Variants in AMOT observed in about 807,000 individuals in gnomAD.
AMOT encodes the protein angiomotin.
Under a neutral mutation model 67.0 loss-of-function variants are expected in AMOT, and 11 were observed. That is an observed-to-expected ratio of 0.16 (90% CI 0.10 to 0.27). The LOEUF is 0.27. Ranked by LOEUF, AMOT falls within the 10% of genes least tolerant of loss-of-function variation. The pLI is 1.00. For missense variants in AMOT, 753 were observed against 852.0 expected, an observed-to-expected ratio of 0.88 and a Z score of 1.45; for synonymous variants, 326 against 321.4, an observed-to-expected ratio of 1.01 and a Z score of -0.15.
At chrX:112,787,978 A>G (rs1933427046) in intron 10 of AMOT, among the ~76,000 whole-genome samples, 2 of 111,606 alleles carry the variant, frequency 1.8e-5, no homozygotes, top group Admixed American at 1.9e-4. Context: ...AATTGTAGCC[A>G]ATATCCTAGA....
chrX:112,792,523 G>A (rs1169117276), intron 8 of AMOT, among the ~76,000 whole-genome samples: 2 of 112,278 alleles, frequency 1.8e-5, no homozygotes, highest in East Asian at 5.6e-4. Context: ...AGTCAGAATT[G>A]TCTTTTTGAA....
rs1355870385 is a variant in AMOT, at chrX:112,822,479, T to G, written c.648A>C (p.Glu216Asp). The G allele has an allele frequency of 8.6e-7, 1 of 1,167,873 alleles. No individual in the cohort carries two copies. The highest frequency in any genetic ancestry group is 1.9e-5 in the South Asian group (1 of 52,705). ...GAAGTGGCCCTTGGGCCTTGTAGAA[T>G]TCACTGGAACTTGTGGGATTCTTGT... The part of the protein sequence containing the change: ...DLYKNPTSSS[E>D]FYKAQGPLPN... Residue 216 changes from glutamate (E) to aspartate (D), a missense_variant, in exon 4 of 14, where the codon GAA (glutamate) becomes GAC (aspartate). Coordinates refer to ENST00000371959, the MANE Select transcript of AMOT (RefSeq NM_001113490.2).
At chrX:112,836,506 C>T (rs1209171824) in intron 1 of AMOT, among the ~76,000 whole-genome samples, 1 of 111,033 alleles carries the variant, frequency 9.0e-6, no homozygotes, top group Non-Finnish European at 1.9e-5. Context: ...TGGGTGGGCT[C>T]TTATTGAAAA....
At chrX:112,831,973 C>T (rs2147832372) in intron 2 of AMOT, among the ~76,000 whole-genome samples, 1 of 111,507 alleles carries the variant, frequency 9.0e-6, no homozygotes, top group Non-Finnish European at 1.9e-5. Context: ...CAGAAATCCC[C>T]AGCTGTAGTG....
intron 7 of AMOT, among the ~76,000 whole-genome samples, chrX:112,805,309 C>A (rs1288324052): frequency 9.3e-6 from 1 of 108,108 alleles, no homozygotes; most frequent in African/African-American, 3.4e-5. Flanking sequence ...GGTTGTTGAG[C>A]AGAAGCAATG....
chrX:112,804,947 C>T lies in AMOT; in HGVS notation c.1776G>A (p.Glu592=). The T allele has an allele frequency of 8.8e-7, 1 of 1,137,327 alleles. No individual in the cohort carries two copies. The highest frequency in any genetic ancestry group is 1.2e-6 in the Non-Finnish European group (1 of 849,372). 93.7% of individuals were successfully genotyped at this position (1,137,327 alleles called of 1,213,427 possible). ...CATATGCTACCTGAGGAAACCATAC[C>T]TCTTCTTCCAGCTTTACCACCTTGG... is the stretch of plus-strand genomic sequence containing the variant. ...AQAKVVKLEE[E]LKKKQVYVDK... Residue 592 remains glutamate (E), a splice_region_variant and synonymous_variant, in exon 8 of 14, where the codon GAG becomes GAA. Transcript: ENST00000371959.
At chrX:112,811,674 A>C (rs1171999243) in intron 5 of AMOT, among the ~76,000 whole-genome samples, 2 of 112,080 alleles carry the variant, frequency 1.8e-5, no homozygotes, top group Non-Finnish European at 3.8e-5. Context: ...AATTTTATAA[A>C]TAGTTATAAA....
At chrX:112,816,580 C>T (rs1449699149) in intron 4 of AMOT, among the ~76,000 whole-genome samples, 1 of 111,645 alleles carries the variant, frequency 9.0e-6, no homozygotes, top group Non-Finnish European at 1.9e-5. Context: ...TGTAATGAAT[C>T]GCAAAATGTA....
chrX:112,822,527 G>A lies in AMOT; in HGVS notation c.600C>T (p.Ser200=). 1.0e-5 allele frequency: 12 copies of A among 1,167,957 alleles called. No individual in the cohort carries two copies. The highest frequency in any genetic ancestry group is 1.4e-5 in the Non-Finnish European group (12 of 873,108). The change falls in exon 4 of 14, where the codon TCC becomes TCT. Residue 200 remains serine, a synonymous_variant. Transcript: ENST00000371959. ...TGTAGAGGTCATTGGGTTGTGGTGGGGAGAGGGGAGCACTGGTAACAGGTG... is the reference window on the plus strand; with the variant it reads ...TGTAGAGGTCATTGGGTTGTGGTGGAGAGAGGGGAGCACTGGTAACAGGTG... The part of the protein sequence containing the change: ...AHPPVTSAPL[S]PPQPNDLYKN...
chrX:112,777,721 C>T lies in AMOT; in HGVS notation c.*846G>A, dbSNP rs1932973696. 1 of 111,902 alleles carries T rather than the reference C, an allele frequency of 8.9e-6. No individual in the cohort carries two copies. Among genetic ancestry groups the T allele is most frequent in the South Asian group, 3.8e-4 (1 of 2,640 alleles). 9.2% of individuals were successfully genotyped at this position (111,902 alleles called of 1,213,427 possible). A position where few individuals can be genotyped will look rare whatever the true frequency, so the allele number is the denominator to read the frequency against. On this transcript the variant is annotated 3_prime_UTR_variant, in exon 14 of 14. Coordinates refer to ENST00000371959, the MANE Select transcript of AMOT (RefSeq NM_001113490.2). ...AGCAAGCTGTGTTCATGGCTACACA[C>T]AAACCATGGAAGTCTGCATATAGCA...
At chrX:112,822,142 T>C in intron 4 of AMOT, 113 bp downstream of exon 4, 1 of 963,887 alleles carries the variant, frequency 1.0e-6, no homozygotes, top group Non-Finnish European at 1.4e-6. Context: ...CTGTCATGCA[T>C]TGCAGAGTTT....
intron 4 of AMOT, among the ~76,000 whole-genome samples, chrX:112,822,018 T>C (rs1243483007): frequency 2.7e-5 from 3 of 112,512 alleles, no homozygotes; most frequent in African/African-American, 9.7e-5. Flanking sequence ...GTTCGTCCAC[T>C]AGGCAGTTGA....
In AMOT at chrX:112,778,305, C is replaced by T. The variant is rs1452729023; in HGVS notation, c.*262G>A. 4.2e-6 allele frequency: 1 copy of T among 240,002 alleles called. No homozygotes were observed. The highest frequency in any genetic ancestry group is 6.5e-5 in the East Asian group (1 of 15,503). 19.8% of individuals were successfully genotyped at this position (240,002 alleles called of 1,213,427 possible). A position where few individuals can be genotyped will look rare whatever the true frequency, so the allele number is the denominator to read the frequency against. On this transcript the variant is annotated 3_prime_UTR_variant, in exon 14 of 14. Coordinates refer to ENST00000371959, the MANE Select transcript of AMOT (RefSeq NM_001113490.2). ...CGATGTATAGCCACCTGTTAACAGT[C>T]CCAGTATTCGTATAAATTCAAACAA...
intron 8 of AMOT, among the ~76,000 whole-genome samples, chrX:112,796,832 G>A (rs1450913283): frequency 9.0e-6 from 1 of 111,601 alleles, no homozygotes; most frequent in Non-Finnish European, 1.9e-5. Context: ...GACATCTTTG[G>A]TTGTCACAAC....
intron 10 of AMOT, among the ~76,000 whole-genome samples, chrX:112,783,915 C>T (rs1933282789): frequency 9.0e-6 from 1 of 110,627 alleles, no homozygotes; most frequent in Admixed American, 9.7e-5. Flanking sequence ...CTCTTAGCTT[C>T]AAGATTATGT....
In AMOT at chrX:112,823,148, G is replaced by A. The variant is rs1343505752; in HGVS notation, c.-22C>T. 2 of 1,133,202 alleles carry A rather than the reference G, an allele frequency of 1.8e-6. No homozygotes were observed. Among genetic ancestry groups the A allele is most frequent in the Non-Finnish European group, 2.3e-6 (2 of 854,493 alleles). 93.4% of individuals were successfully genotyped at this position (1,133,202 alleles called of 1,213,427 possible). On this transcript the variant is annotated 5_prime_UTR_variant, in exon 4 of 14. Coordinates refer to ENST00000371959, the MANE Select transcript of AMOT (RefSeq NM_001113490.2). ...TCATCTCTATTGCTGGTGGTGCCTT[G>A]TGAAGAGAGAGAGAAATTGGGCACC...
chrX:112,781,215 G>A, intron 11 of AMOT, 97 bp from the exon 12 acceptor site: 2 of 811,430 alleles, frequency 2.5e-6, no homozygotes, highest in Non-Finnish European at 1.8e-6. Context: ...GCCGAGGTGG[G>A]CGGATTGCAA....
intron 12 of AMOT, among the ~76,000 whole-genome samples, chrX:112,780,119 G>A (rs999127511): frequency 1.8e-5 from 2 of 111,909 alleles, no homozygotes; most frequent in South Asian, 7.5e-4. Context: ...GAGCAAGAAA[G>A]GATCTGGGGA....
intron 2 of AMOT, among the ~76,000 whole-genome samples, chrX:112,829,445 A>G (rs1934930308): frequency 8.9e-6 from 1 of 111,749 alleles, no homozygotes; most frequent in Non-Finnish European, 1.9e-5. Context: ...CCCCAAAGCC[A>G]AGTAGATGTT....
Sources: gnomAD v4.1 joint callset for allele counts (sites outside exome capture counted in the v4.1 genomes callset) on GRCh38, gnomAD v4.1.1 for gene constraint, MANE v1.5 for transcripts, NCBI Gene and HGNC (gene_info 2026-07-23, HGNC 2026-07-21) for gene names.